Variants in KNL1 observed in about 807,000 individuals in gnomAD.
The protein encoded by KNL1 is kinetochore scaffold 1.
Under a neutral mutation model 201.3 loss-of-function variants are expected in KNL1, and 66 were observed. That is an observed-to-expected ratio of 0.33 (90% confidence interval 0.27 to 0.40). The LOEUF (loss-of-function observed/expected upper bound fraction) is 0.40, where lower values mean the gene tolerates loss of function less well. Among genes scored for constraint, KNL1 ranks in the 10% least tolerant of loss-of-function variants. The pLI is 1.00. For synonymous variants in KNL1, 895 were observed against 899.2 expected (o/e 1.00, Z 0.08); for missense variants, 2,815 against 2,690.5 (o/e 1.05, Z -1.02).
intron 7 of KNL1, among the ~76,000 whole-genome samples, chr15:40,613,928 G>A (rs1023762958): frequency 6.7e-6 from 1 of 148,216 alleles, no homozygotes; most frequent in Non-Finnish European, 1.5e-5. Context: ...CTCCCTAGTA[G>A]CTGGGACTAC....
At chr15:40,617,526 T>C (rs1179263848) in intron 8 of KNL1, among the ~76,000 whole-genome samples, 1 of 152,162 alleles carries the variant, frequency 6.6e-6, no homozygotes, top group Non-Finnish European at 1.5e-5. Context: ...TATCTCGTTA[T>C]GAATAGGTAA....
chr15:40,600,093 T>G (rs1365721001), intron 1 of KNL1, among the ~76,000 whole-genome samples: 4 of 106,966 alleles, frequency 3.7e-5, no homozygotes, highest in African/African-American at 1.4e-4. Context: ...TTTTTTTTTT[T>G]GCAATGGAAT....
intron 1 of KNL1, among the ~76,000 whole-genome samples, chr15:40,600,178 C>T (rs1235219027): frequency 1.3e-5 from 2 of 148,628 alleles, no homozygotes; most frequent in Non-Finnish European, 3.0e-5. Context: ...TGGGTTCAAG[C>T]AATTCTCCTG....
At chr15:40,630,326 A>G (rs1472348920) in intron 13 of KNL1, among the ~76,000 whole-genome samples, 4 of 152,162 alleles carry the variant, frequency 2.6e-5, no homozygotes, top group Non-Finnish European at 2.9e-5. Flanking sequence ...ACATTAATAA[A>G]TTTTTTAAAA....
At chr15:40,630,622 C>T (rs1184951076) in intron 13 of KNL1, among the ~76,000 whole-genome samples, 1 of 152,086 alleles carries the variant, frequency 6.6e-6, no homozygotes, top group African/African-American at 2.4e-5. Context: ...CACAGAAGCA[C>T]GAACCCTATT....
chr15:40,595,884 C>T (rs182321563), intron 1 of KNL1, among the ~76,000 whole-genome samples: 5 of 152,294 alleles, frequency 3.3e-5, no homozygotes, highest in Non-Finnish European at 5.9e-5. Flanking sequence ...AAAATACTAA[C>T]TCTAGATATC....
chr15:40,621,546 G>A lies in KNL1; in HGVS notation c.1282G>A (p.Val428Ile). 6.2e-7 allele frequency: 1 copy of A among 1,611,244 alleles called. No individual in the cohort carries two copies. Among genetic ancestry groups the A allele is most frequent in the Non-Finnish European group, 8.5e-7 (1 of 1,178,746 alleles). The change falls in exon 10 of 26, where the codon GTT (valine) becomes ATT (isoleucine). Residue 428 changes from valine to isoleucine, a missense_variant. Transcript: ENST00000399668. ...SNPSIQGCKT[V>I]FYSSCNDAME... The stretch of plus-strand genomic sequence containing the variant: ...TCCATCTATTCAAGGTTGTAAGACT[G>A]TTTTCTATTCTAGTTGTAATGATGC...
chr15:40,628,658 T>C lies in KNL1; in HGVS notation c.5563T>C (p.Cys1855Arg). 2 of 1,601,188 alleles carry C rather than the reference T, an allele frequency of 1.2e-6. No individual in the cohort carries two copies. Among genetic ancestry groups the C allele is most frequent in the Non-Finnish European group, 1.7e-6 (2 of 1,171,974 alleles). ...ATCACAGTTTCTCAGAGATACTATT[T>C]GTGAAGAGAGCTTGAGGGAGGTATG... is the stretch of plus-strand genomic sequence containing the variant. ...MESQFLRDTI[C>R]EESLREKLQD... is the part of the protein sequence containing the mutation. Residue 1855 changes from cysteine to arginine, a missense_variant, in exon 12 of 26, where the codon TGT becomes CGT. Transcript: ENST00000399668.
intron 19 of KNL1, 76 bp from the exon 20 acceptor site, chr15:40,651,395 C>A: frequency 1.1e-6 from 1 of 907,692 alleles, no homozygotes; most frequent in Non-Finnish European, 1.6e-6. Flanking sequence ...GACTTCTTAT[C>A]ATAAACCTTT....
At chr15:40,617,357 C>G (rs745871104) in intron 8 of KNL1, among the ~76,000 whole-genome samples, 3 of 151,510 alleles carry the variant, frequency 2.0e-5, no homozygotes, top group Non-Finnish European at 2.9e-5. Context: ...TCAGTGCTAT[C>G]CAAAGTGTCC....
Position 40,605,159 on chromosome 15 carries a change from A to G in KNL1, c.75+10A>G. The G allele has an allele frequency of 2.1e-6, 3 of 1,418,312 alleles. No homozygotes were observed. The highest frequency in any genetic ancestry group is 1.2e-5 in the South Asian group (1 of 86,898). 87.9% of individuals were successfully genotyped at this position (1,418,312 alleles called of 1,614,324 possible). Reference sequence around the variant, plus strand: ...AAGACGGCATTCTTCAGTAAGAAAGACTTTCTTGAATTAATAATTGTCAGC... The same window carrying G: ...AAGACGGCATTCTTCAGTAAGAAAGGCTTTCTTGAATTAATAATTGTCAGC... On this transcript the variant is annotated intron_variant, in intron 3 of 25. Coordinates refer to ENST00000399668, the MANE Select transcript of KNL1 (RefSeq NM_144508.5).
chr15:40,637,002 G>A (rs1387747535), intron 13 of KNL1, among the ~76,000 whole-genome samples: 1 of 150,794 alleles, frequency 6.6e-6, no homozygotes, highest in East Asian at 1.9e-4. Context: ...CCATAAAATG[G>A]TTAATTATTC....
intron 19 of KNL1, 41 bp from the exon 20 acceptor site, chr15:40,651,430 A>T (rs779443142): frequency 1.5e-5 from 21 of 1,396,946 alleles, no homozygotes; most frequent in Non-Finnish European, 1.9e-5. Flanking sequence ...GAATTCTCTA[A>T]CAAAAACCTT....
chr15:40,654,382 G>GTACTA (rs1386508594), intron 21 of KNL1, among the ~76,000 whole-genome samples: 1 of 152,000 alleles, frequency 6.6e-6, no homozygotes, highest in Non-Finnish European at 1.5e-5. Flanking sequence ...ATATAGCTGT[G>GTACTA]TACTACCTTT....
At chr15:40,650,223 TA>T in intron 17 of KNL1, 77 bp from the exon 18 acceptor site, 1 of 927,824 alleles carries the variant, frequency 1.1e-6, no homozygotes, top group East Asian at 2.5e-5. Flanking sequence ...TTGATTGAAT[TA>T]TTCTTTTTTT....
intron 4 of KNL1, among the ~76,000 whole-genome samples, chr15:40,607,496 G>A (rs776935602): frequency 1.3e-5 from 2 of 151,980 alleles, no homozygotes; most frequent in African/African-American, 4.8e-5. Flanking sequence ...CTTATGGTTA[G>A]GTATTCAGAA....
Position 40,661,490 on chromosome 15 carries a change from T to G in KNL1, c.6837-584T>G, listed in dbSNP as rs1490455304. On this transcript the variant is annotated intron_variant, in intron 25 of 25. Coordinates refer to ENST00000399668, the MANE Select transcript of KNL1 (RefSeq NM_144508.5). ...CAACCTGGGCAACAGAGCAAGACTCTGGGGGTGGGGAAAAATTTGCTCACC... is the reference window on the plus strand; with the variant it reads ...CAACCTGGGCAACAGAGCAAGACTCGGGGGGTGGGGAAAAATTTGCTCACC... Among the ~76,000 whole-genome samples, 5 of 151,972 alleles carry G rather than the reference T, an allele frequency of 3.3e-5. 1 individual carries two copies. The South Asian group carries it at 6.2e-4, about 19-fold the overall frequency.
chr15:40,608,147 T>G (rs752520399), intron 4 of KNL1, among the ~76,000 whole-genome samples: 2 of 152,142 alleles, frequency 1.3e-5, no homozygotes, highest in Non-Finnish European at 2.9e-5. Context: ...TTCTGACACA[T>G]ACTACAAAAT....
chr15:40,602,796 T>C lies in KNL1; in HGVS notation c.-17-119T>C. On this transcript the variant is annotated intron_variant, in intron 1 of 25. Transcript: ENST00000399668. ...CACTGCGCCCGGCCTTTCCTTCCCA[T>C]CTTTGGTCTTCCCTCAGAAAGTAAC... 1.4e-5 allele frequency: 8 copies of C among 569,856 alleles called. No homozygotes were observed. The South Asian group carries it at 1.5e-4, about 11-fold the overall frequency. 35.3% of individuals were successfully genotyped at this position (569,856 alleles called of 1,614,324 possible).
Sources: gnomAD v4.1 joint callset for allele counts (sites outside exome capture counted in the v4.1 genomes callset) on GRCh38, gnomAD v4.1.1 for gene constraint, MANE v1.5 for transcripts, NCBI Gene and HGNC (gene_info 2026-07-23, HGNC 2026-07-21) for gene names.